The following FURIN variants were observed in gnomAD, a reference collection of about 807,000 sequenced individuals.
FURIN encodes the protein FES upstream region.
In FURIN, 18 loss-of-function variants were observed where a neutral mutation model predicts 89.2. That is an observed-to-expected ratio of 0.20 (90% CI 0.14 to 0.30). FURIN has a LOEUF of 0.30. FURIN is among the 10% of genes least tolerant of loss of function. The pLI is 1.00. For synonymous variants in FURIN, 508 were observed against 466.4 expected (o/e 1.09, Z -1.15); for missense variants, 879 against 1,100.5 (o/e 0.80, Z 2.85).
At chr15:90,878,350 T>C (rs2031753405) in intron 8 of FURIN, 46 bp downstream of exon 8, 35 of 1,441,052 alleles carry the variant, frequency 2.4e-5, no homozygotes, top group Non-Finnish European at 3.3e-5. Flanking sequence ...TTGGGTGCTG[T>C]CTTCCGTACC....
intron 7 of FURIN, 57 bp downstream of exon 7, chr15:90,877,672 C>T (rs1184402450): frequency 3.3e-6 from 4 of 1,218,986 alleles, no homozygotes; most frequent in African/African-American, 3.0e-5. Context: ...GGAATTTTTC[C>T]CGCCCACTTC....
rs553567426 is a variant in FURIN at position 90,876,864 on chromosome 15, T to C, written c.373-32T>C. 81 of 1,611,622 alleles carry C rather than the reference T, an allele frequency of 5.0e-5. No individual in the cohort carries two copies. In the South Asian group the frequency reaches 8.5e-4, roughly 17 times the overall value. On this transcript the variant is annotated intron_variant, in intron 4 of 15. Transcript: ENST00000268171. This position sits in a 1 kb window ranked among gnomAD's most constrained non-coding sequence, Gnocchi z 5.0. Reference sequence around the variant, plus strand: ...TCCTAGCCTCACAAAACCAATCATGTCTCATAAGTGATGGGGTGGGTGTCT... The same window carrying C: ...TCCTAGCCTCACAAAACCAATCATGCCTCATAAGTGATGGGGTGGGTGTCT...
In FURIN at chr15:90,880,251, C is replaced by T. The variant is rs200240604; in HGVS notation, c.1534C>T (p.Arg512Cys). The T allele has an allele frequency of 1.1e-5, 18 of 1,607,830 alleles. No individual in the cohort carries two copies. The highest frequency in any genetic ancestry group is 2.2e-5 in the South Asian group (2 of 90,718). The stretch of plus-strand genomic sequence containing the variant: ...CCACCTGGTCAGCCCCATGGGCACC[C>T]GCTCCACCCTGCTGGCAGCCAGGTG... The part of the protein sequence containing the change: ...AIHLVSPMGT[R>C]STLLAARPHD... Residue 512 changes from arginine (R) to cysteine (C), a missense_variant, in exon 13 of 16, where the codon CGC (arginine) becomes TGC (cysteine). Transcript: ENST00000268171.
At position 90,875,659 on chromosome 15, in the gene FURIN, G is replaced by A; in HGVS notation, c.-82G>A. 7.7e-7 allele frequency: 1 copy of A among 1,293,020 alleles called. No individual in the cohort carries two copies. The highest frequency in any genetic ancestry group is 1.0e-6 in the Non-Finnish European group (1 of 957,922). The allele number at this position is 1,293,020 out of a possible 1,614,324, so 80.1% of individuals were successfully genotyped here. On this transcript the variant is annotated 5_prime_UTR_variant, in exon 2 of 16. It adds an upstream start codon to the 5' untranslated region. Transcript: ENST00000268171. Reference sequence around the variant, plus strand: ...ACCAGTCAGCCCCGGGCCACAGGCAGTGAGCAGGCACCTGGGAGCCGAGGC... The same window carrying A: ...ACCAGTCAGCCCCGGGCCACAGGCAATGAGCAGGCACCTGGGAGCCGAGGC...
chr15:90,878,971 C>A lies in FURIN; in HGVS notation c.1048C>A (p.Gln350Lys). Residue 350 changes from glutamine (Q) to lysine (K), a missense_variant, in exon 9 of 16, where the codon CAG becomes AAG. Transcript: ENST00000268171. ...CAGCAGTGGCAACCAGAATGAGAAG[C>A]AGATCGTGAGTCTTACCTGGGGGTG... Reference protein sequence around the residue: ...TYSSGNQNEKQIVTTDLRQKC... With the variant: ...TYSSGNQNEKKIVTTDLRQKC... 6.4e-7 allele frequency: 1 copy of A among 1,564,190 alleles called. No individual in the cohort carries two copies. Among genetic ancestry groups the A allele is most frequent in the Non-Finnish European group, 8.7e-7 (1 of 1,146,504 alleles).
intron 6 of FURIN, 52 bp from the exon 7 acceptor site, chr15:90,877,475 G>A: frequency 7.1e-7 from 1 of 1,412,610 alleles, no homozygotes; most frequent in Non-Finnish European, 9.7e-7. Context: ...ACATCTGCCG[G>A]GCCCTGTTCA....
chr15:90,871,002 C>T (rs1036791094), intron 1 of FURIN, among the ~76,000 whole-genome samples: 1 of 152,210 alleles, frequency 6.6e-6, no homozygotes, highest in Non-Finnish European at 1.5e-5. Flanking sequence ...GCTACTTCTG[C>T]TCATATATCC....
At chr15:90,879,064 ACC>A in intron 9 of FURIN, 88 bp downstream of exon 9, 1 of 834,010 alleles carries the variant, frequency 1.2e-6, no homozygotes, top group South Asian at 1.6e-5. Flanking sequence ...GTCTGCCTCC[ACC>A]CCCATGTGGC....
chr15:90,874,489 C>A (rs1751662776), intron 1 of FURIN, among the ~76,000 whole-genome samples: 1 of 152,238 alleles, frequency 6.6e-6, no homozygotes, highest in African/African-American at 2.4e-5. Flanking sequence ...GCGGCCATCT[C>A]AGCCATAGAG....
chr15:90,879,792 C>G lies in FURIN; in HGVS notation c.1258+18C>G. On this transcript the variant is annotated intron_variant, in intron 11 of 15. Coordinates refer to ENST00000268171, the MANE Select transcript of FURIN (RefSeq NM_002569.4). ...CCGGAAAGGTGAGGGCAGGCTGGCC[C>G]GGCAGGCTGGATGTGGAGTTAGGTA... 6.2e-7 allele frequency: 1 copy of G among 1,610,176 alleles called. No homozygotes were observed. The highest frequency in any genetic ancestry group is 1.3e-5 in the African/African-American group (1 of 74,942).
At position 90,879,734 on chromosome 15, in the gene FURIN, C is replaced by T. The variant is rs1013189350; in HGVS notation, c.1218C>T (p.Leu406=). 3 of 1,613,864 alleles carry T rather than the reference C, an allele frequency of 1.9e-6. No homozygotes were observed. The highest frequency in any genetic ancestry group is 3.3e-5 in the Admixed American group (2 of 60,036). Reference sequence around the variant, plus strand: ...TACAGACCTCGAAGCCAGCCCACCTCAATGCCAACGACTGGGCCACCAATG... The same window carrying T: ...TACAGACCTCGAAGCCAGCCCACCTTAATGCCAACGACTGGGCCACCAATG... The part of the protein sequence containing the change: ...LVVQTSKPAH[L]NANDWATNGV... Residue 406 remains leucine (L), a synonymous_variant, in exon 11 of 16, where the codon CTC becomes CTT. Transcript: ENST00000268171.
intron 1 of FURIN, among the ~76,000 whole-genome samples, chr15:90,874,664 G>A (rs1266553598): frequency 1.3e-5 from 2 of 152,210 alleles, no homozygotes; most frequent in Non-Finnish European, 2.9e-5. Context: ...ACCCTAGTGA[G>A]TTGTATAGAT....
intron 1 of FURIN, chr15:90,872,730 G>A (rs945879855): frequency 2.0e-5 from 3 of 152,252 alleles, no homozygotes; most frequent in African/African-American, 7.2e-5. Context: ...GCAGGGACTG[G>A]GAGCGATAAA....
At chr15:90,871,834 G>A (rs1227029724) in intron 1 of FURIN, among the ~76,000 whole-genome samples, 1 of 150,094 alleles carries the variant, frequency 6.7e-6, no homozygotes, top group African/African-American at 2.4e-5. Flanking sequence ...CCCCGGGGCC[G>A]GCCCCGAGGG....
chr15:90,877,930 T>C (rs1384880992), intron 7 of FURIN, among the ~76,000 whole-genome samples: 1 of 151,924 alleles, frequency 6.6e-6, no homozygotes, highest in Non-Finnish European at 1.5e-5. Flanking sequence ...GGGCAGGAGG[T>C]GTTCTCTTTT....
Position 90,881,369 on chromosome 15 carries a change from C to T in FURIN, c.1876C>T (p.His626Tyr). Residue 626 changes from histidine to tyrosine, a missense_variant, in exon 16 of 16, where the codon CAC (histidine) becomes TAC (tyrosine). This residue lies in a region of FURIN where 457 missense variants were observed against 490.7 expected (regional missense o/e 0.93). Transcript: ENST00000268171. This position sits in a 1 kb window ranked among gnomAD's most constrained non-coding sequence, Gnocchi z 4.3. ...PGFAPQVLDT[H>Y]YSTENDVETI... Reference sequence around the variant, plus strand: ...GTTCGCCCCCCAAGTCCTCGATACGCACTATAGCACCGAGAATGACGTGGA... The same window carrying T: ...GTTCGCCCCCCAAGTCCTCGATACGTACTATAGCACCGAGAATGACGTGGA... 1.2e-6 allele frequency: 2 copies of T among 1,612,978 alleles called. No homozygotes were observed. Among genetic ancestry groups the T allele is most frequent in the South Asian group, 1.1e-5 (1 of 91,076 alleles).
rs1443208233 is a variant in FURIN at position 90,880,964 on chromosome 15, C to T, written c.1716C>T (p.Gly572=). 10 of 1,613,938 alleles carry T rather than the reference C, an allele frequency of 6.2e-6. No individual in the cohort carries two copies. Among genetic ancestry groups the T allele is most frequent in the Non-Finnish European group, 8.5e-6 (10 of 1,179,926 alleles). Residue 572 remains glycine, a synonymous_variant, in exon 15 of 16, where the codon GGC becomes GGT. Coordinates refer to ENST00000268171, the MANE Select transcript of FURIN (RefSeq NM_002569.4). The stretch of plus-strand genomic sequence containing the variant: ...CCAAGTTCACCCTCGTACTCTATGG[C>T]ACCGCCCCTGAGGGGCTGCCCGTAC... ...TLTKFTLVLY[G]TAPEGLPVPP... is the part of the protein sequence containing the mutation.
chr15:90,875,990 T>C, intron 2 of FURIN, 73 bp downstream of exon 2: 1 of 1,300,528 alleles, frequency 7.7e-7, no homozygotes, highest in Non-Finnish European at 1.0e-6. Context: ...GCAGGAGCTG[T>C]TGGCCTTGTT....
intron 1 of FURIN, among the ~76,000 whole-genome samples, chr15:90,871,891 C>T (rs945575874): frequency 2.6e-5 from 4 of 150,956 alleles, no homozygotes; most frequent in East Asian, 4.0e-4. Context: ...CACCTGAGCG[C>T]GCCGGGCCCG....
Sources: gnomAD v4.1 joint callset for allele counts (sites outside exome capture counted in the v4.1 genomes callset) on GRCh38, gnomAD v4.1.1 for gene constraint, gnomAD v4.1.1 regional missense constraint, Gnocchi (gnomAD v3.1) non-coding constraint, MANE v1.5 for transcripts, NCBI Gene and HGNC (gene_info 2026-07-23, HGNC 2026-07-21) for gene names.